PSMA1: variants seen among roughly 807,000 people sequenced by gnomAD.
The protein encoded by PSMA1 is proteasome 20S subunit alpha 1.
A neutral mutation model predicts 38.4 loss-of-function variants in PSMA1; 3 were observed. The ratio of observed to expected loss-of-function variants is 0.08; its 90% CI spans 0.04 to 0.20. The LOEUF is 0.20. Among genes scored for constraint, PSMA1 ranks in the 10% least tolerant of loss-of-function variants. PSMA1 has a pLI of 1.00. For synonymous variants in PSMA1, 101 were observed against 107.1 expected (o/e 0.94, Z 0.35); for missense variants, 227 against 325.3 (o/e 0.70, Z 2.32).
At chr11:14,591,537 C>T (rs558788504) in intron 2 of PSMA1, among the ~76,000 whole-genome samples, 15 of 152,286 alleles carry the variant, frequency 9.8e-5, no homozygotes, top group South Asian at 4.1e-4. Context: ...CTGAGTCTGG[C>T]GGGGCCTTGG....
Position 14,606,700 on chromosome 11 carries a change from T to C in PSMA1, c.21+4266A>G, listed in dbSNP as rs577370651. 1.1e-4 allele frequency among the ~76,000 whole-genome samples: 17 copies of C among 152,330 alleles called. No homozygotes were observed. The South Asian group carries it at 3.3e-3, about 30-fold the overall frequency. On this transcript the variant is annotated intron_variant, in intron 2 of 10. Coordinates refer to the PSMA1 transcript ENST00000418988. ...GAGAGGCTAAGGACTTTTTCTTGAT[T>C]TTTAATTCTGACATTTATTAGCTGT...
At chr11:14,602,780 T>C (rs1852598995) in intron 2 of PSMA1, among the ~76,000 whole-genome samples, 1 of 152,196 alleles carries the variant, frequency 6.6e-6, no homozygotes, top group Non-Finnish European at 1.5e-5. Flanking sequence ...GAATTTACAC[T>C]GAAAGCAGGA....
intron 1 of PSMA1, among the ~76,000 whole-genome samples, chr11:14,613,361 C>T (rs1426767946): frequency 1.4e-5 from 2 of 145,978 alleles, no homozygotes; most frequent in Non-Finnish European, 3.0e-5. Context: ...AAGTGATTCT[C>T]ATGTCTCAGA....
intron 2 of PSMA1, among the ~76,000 whole-genome samples, chr11:14,562,736 C>T (rs1344561726): frequency 6.6e-6 from 1 of 151,900 alleles, no homozygotes; most frequent in African/African-American, 2.4e-5. Context: ...GCGATCCTCC[C>T]ATCCCAGCCT....
chr11:14,584,443 T>A (rs905541888), intron 2 of PSMA1, among the ~76,000 whole-genome samples: 1 of 151,868 alleles, frequency 6.6e-6, no homozygotes, highest in African/African-American at 2.4e-5. Flanking sequence ...CTCAGAGGCA[T>A]CAAAATAAGT....
At chr11:14,612,424 G>A (rs993312248) in intron 1 of PSMA1, among the ~76,000 whole-genome samples, 6 of 151,754 alleles carry the variant, frequency 4.0e-5, no homozygotes, top group Admixed American at 6.6e-5. Context: ...ATGTATTATC[G>A]TGTACAATAT....
intron 2 of PSMA1, among the ~76,000 whole-genome samples, chr11:14,580,432 G>T (rs972562012): frequency 2.6e-5 from 4 of 152,120 alleles, no homozygotes; most frequent in African/African-American, 9.7e-5. Flanking sequence ...CTTCTGTCCT[G>T]CATTAAAAAG....
At chr11:14,599,113 A>T (rs1852544430) in intron 2 of PSMA1, among the ~76,000 whole-genome samples, 1 of 152,198 alleles carries the variant, frequency 6.6e-6, no homozygotes, top group Non-Finnish European at 1.5e-5. Flanking sequence ...ATCCGCTGTT[A>T]GTCTGATGGG....
At chr11:14,520,550 G>C, upstream of PSMA1, 1 of 1,312,410 alleles carries the variant, frequency 7.6e-7, no homozygotes, top group South Asian at 1.6e-5. Flanking sequence ...AACCTGGCTG[G>C]GAGTGCCGGC....
chr11:14,555,393 AT>A (rs1002756025), intron 2 of PSMA1, among the ~76,000 whole-genome samples: 8 of 151,860 alleles, frequency 5.3e-5, no homozygotes, highest in Non-Finnish European at 8.8e-5. Context: ...CCTCTTTAAA[AT>A]TTTTTTTGCT....
chr11:14,520,361 A>T lies in PSMA1; in HGVS notation c.-62T>A. 1 of 1,614,178 alleles carries T rather than the reference A, an allele frequency of 6.2e-7. No individual in the cohort carries two copies. Among genetic ancestry groups the T allele is most frequent in the Non-Finnish European group, 8.5e-7 (1 of 1,180,012 alleles). ...ACTGAGAATCAAGGAGGTGCTGCCGAAAGTATCGCTCAGCGATCTACAGAG... is the reference window on the plus strand; with the variant it reads ...ACTGAGAATCAAGGAGGTGCTGCCGTAAGTATCGCTCAGCGATCTACAGAG... On this transcript the variant is annotated 5_prime_UTR_variant, in exon 1 of 10. Coordinates refer to ENST00000396394, the MANE Select transcript of PSMA1 (RefSeq NM_002786.4).
intron 8 of PSMA1, among the ~76,000 whole-genome samples, chr11:14,508,355 C>G (rs1851281353): frequency 6.6e-6 from 1 of 151,942 alleles, no homozygotes; most frequent in Non-Finnish European, 1.5e-5. Flanking sequence ...TCTCCTTTCC[C>G]ATTAAAACTT....
intron 8 of PSMA1, among the ~76,000 whole-genome samples, chr11:14,510,547 A>G (rs188379407): frequency 6.6e-6 from 1 of 152,212 alleles, no homozygotes; most frequent in East Asian, 1.9e-4. Flanking sequence ...TGTTTACTGT[A>G]TTTTCAATGC....
chr11:14,624,242 G>C (rs534157089), intron 1 of PSMA1, among the ~76,000 whole-genome samples: 1 of 152,320 alleles, frequency 6.6e-6, no homozygotes, highest in South Asian at 2.1e-4. Flanking sequence ...CCTTTGCAGA[G>C]AGAAGCTCAG....
intron 1 of PSMA1, among the ~76,000 whole-genome samples, chr11:14,637,937 C>T (rs1853130562): frequency 6.6e-6 from 1 of 152,076 alleles, no homozygotes; most frequent in Non-Finnish European, 1.5e-5. Context: ...TAACAGAGTC[C>T]TGTGAAGTCC....
chr11:14,520,365 T>A lies in PSMA1; in HGVS notation c.-66A>T. The A allele has an allele frequency of 1.9e-6, 3 of 1,614,216 alleles. No individual in the cohort carries two copies. Among genetic ancestry groups the A allele is most frequent in the Non-Finnish European group, 2.5e-6 (3 of 1,180,032 alleles). On this transcript the variant is annotated 5_prime_UTR_variant, in exon 1 of 10. Coordinates refer to ENST00000396394, the MANE Select transcript of PSMA1 (RefSeq NM_002786.4). ...AGAATCAAGGAGGTGCTGCCGAAAGTATCGCTCAGCGATCTACAGAGAAGT... is the reference window on the plus strand; with the variant it reads ...AGAATCAAGGAGGTGCTGCCGAAAGAATCGCTCAGCGATCTACAGAGAAGT...
At chr11:14,622,614 G>A (rs1336772305) in intron 1 of PSMA1, among the ~76,000 whole-genome samples, 3 of 152,212 alleles carry the variant, frequency 2.0e-5, no homozygotes, top group Non-Finnish European at 4.4e-5. Context: ...AAAGAAAATT[G>A]CTGCATCTTG....
chr11:14,638,109 T>C (rs925667753), intron 1 of PSMA1, among the ~76,000 whole-genome samples: 1 of 152,222 alleles, frequency 6.6e-6, no homozygotes, highest in African/African-American at 2.4e-5. Flanking sequence ...ATTTCACAGA[T>C]GAGGTAGGTA....
At chr11:14,566,827 T>C (rs1365372844) in intron 2 of PSMA1, among the ~76,000 whole-genome samples, 2 of 152,028 alleles carry the variant, frequency 1.3e-5, no homozygotes, top group Non-Finnish European at 2.9e-5. Flanking sequence ...AATAACAACA[T>C]AAATGATAGA....
Sources: allele counts gnomAD v4.1 joint callset (sites outside exome capture counted in the v4.1 genomes callset), GRCh38; gene constraint gnomAD v4.1.1; transcripts MANE v1.5; gene names NCBI Gene and HGNC (gene_info 2026-07-23, HGNC 2026-07-21).